Variants in ADAMTSL3 observed in about 807,000 individuals in gnomAD.
ADAMTSL3 encodes the protein ADAMTS-like protein 3.
ADAMTSL3 carries 128 observed loss-of-function variants against 201.7 expected under a neutral mutation model. The observed-to-expected ratio is 0.63, with a 90% CI of 0.55 to 0.73. ADAMTSL3 has a LOEUF of 0.73. Ranked by LOEUF, ADAMTSL3 falls within the 30% of genes least tolerant of loss-of-function variation. The probability of loss-of-function intolerance (pLI) is 0.00; values close to 1 mark genes in which losing one functional copy is unlikely to be tolerated. For missense variants in ADAMTSL3, 1,990 were observed against 2,119.6 expected, an observed-to-expected ratio of 0.94 and a Z score of 1.20; for synonymous variants, 738 against 748.4, an observed-to-expected ratio of 0.99 and a Z score of 0.23.
At chr15:83,792,669 G>A (rs544518045) in intron 4 of ADAMTSL3, among the ~76,000 whole-genome samples, 1 of 152,188 alleles carries the variant, frequency 6.6e-6, no homozygotes, top group East Asian at 1.9e-4. Context: ...TGTAATCCCA[G>A]CTACTCAGGA....
At chr15:83,676,527 A>T (rs775417271) in intron 2 of ADAMTSL3, among the ~76,000 whole-genome samples, 6 of 152,074 alleles carry the variant, frequency 3.9e-5, no homozygotes, top group Admixed American at 3.3e-4. Flanking sequence ...AAATACAAAA[A>T]ATTAGCCGGG....
At chr15:83,829,520 A>G (rs149849269) in intron 6 of ADAMTSL3, among the ~76,000 whole-genome samples, 2,179 of 151,994 alleles carry the variant, frequency 0.014, 53 homozygotes, top group African/African-American at 0.05. Context: ...TTATGTCTCT[A>G]TCTCCTTCAG....
At chr15:83,696,064 A>T (rs1490626716) in intron 2 of ADAMTSL3, among the ~76,000 whole-genome samples, 1 of 152,176 alleles carries the variant, frequency 6.6e-6, no homozygotes, top group Non-Finnish European at 1.5e-5. Flanking sequence ...GCCCCAGAGG[A>T]ATACAGAGAA....
chr15:83,887,781 G>A (rs2065425281), intron 10 of ADAMTSL3, among the ~76,000 whole-genome samples: 1 of 151,956 alleles, frequency 6.6e-6, no homozygotes, highest in Non-Finnish European at 1.5e-5. Context: ...TGTAGAGATG[G>A]CATCTCACTA....
intron 16 of ADAMTSL3, among the ~76,000 whole-genome samples, chr15:83,918,879 A>G (rs1287278186): frequency 6.6e-6 from 1 of 152,204 alleles, no homozygotes; most frequent in Non-Finnish European, 1.5e-5. Context: ...GCTATTGCCT[A>G]TTCCAGACAA....
At chr15:83,904,898 A>C (rs1256340413) in intron 15 of ADAMTSL3, among the ~76,000 whole-genome samples, 1 of 152,350 alleles carries the variant, frequency 6.6e-6, no homozygotes, top group African/African-American at 2.4e-5. Context: ...CTAATGTCAA[A>C]TTAGGTGACA....
At chr15:83,830,370 A>C (rs976276265) in intron 6 of ADAMTSL3, among the ~76,000 whole-genome samples, 9 of 152,224 alleles carry the variant, frequency 5.9e-5, no homozygotes, top group Admixed American at 5.9e-4. Flanking sequence ...GAACTAGCAC[A>C]GGGAGAGGTG....
At chr15:83,784,117 C>T (rs2063221585) in intron 4 of ADAMTSL3, among the ~76,000 whole-genome samples, 2 of 152,202 alleles carry the variant, frequency 1.3e-5, no homozygotes, top group Non-Finnish European at 1.5e-5. Context: ...TTGTGGCTTT[C>T]CTTCATTTGG....
chr15:83,749,401 A>G (rs2062602154), intron 3 of ADAMTSL3, among the ~76,000 whole-genome samples: 1 of 152,114 alleles, frequency 6.6e-6, no homozygotes, highest in East Asian at 1.9e-4. Context: ...AGCTTTATTG[A>G]TGGGGATTCT....
chr15:83,897,709 C>G (rs577312792), intron 13 of ADAMTSL3, 149 bp from the exon 14 acceptor site: 1 of 817,538 alleles, frequency 1.2e-6, no homozygotes, highest in African/African-American at 1.7e-5. Flanking sequence ...GAAAATTAGC[C>G]TCTGTACCCT....
chr15:83,737,875 G>A (rs538099097), intron 3 of ADAMTSL3, among the ~76,000 whole-genome samples: 2 of 152,286 alleles, frequency 1.3e-5, no homozygotes, highest in Non-Finnish European at 2.9e-5. Flanking sequence ...TATGACAATA[G>A]AATTGGTGTC....
intron 2 of ADAMTSL3, among the ~76,000 whole-genome samples, chr15:83,671,826 C>T (rs1450330552): frequency 6.6e-6 from 1 of 152,112 alleles, no homozygotes; most frequent in Non-Finnish European, 1.5e-5. Context: ...AAATGCTTGC[C>T]TAGCTGTTTT....
Position 83,910,969 on chromosome 15 carries a change from C to T in ADAMTSL3, c.1701-2123C>T, listed in dbSNP as rs751468840. ...TGAACTTTCTTACCTCATCTCCTCT[C>T]GAGATTCTCAATCACCAAGATACAG... On this transcript the variant is annotated intron_variant, in intron 15 of 29. Coordinates refer to ENST00000286744, the MANE Select transcript of ADAMTSL3 (RefSeq NM_207517.3). 3.3e-5 allele frequency among the ~76,000 whole-genome samples: 5 copies of T among 152,144 alleles called. 1 individual carries two copies. In the South Asian group the frequency reaches 8.3e-4, roughly 25 times the overall value.
At chr15:84,028,235 T>C (rs1348421174) in intron 27 of ADAMTSL3, among the ~76,000 whole-genome samples, 1 of 152,172 alleles carries the variant, frequency 6.6e-6, no homozygotes, top group Non-Finnish European at 1.5e-5. Flanking sequence ...AGTTTGTAAA[T>C]TGTATCTCAA....
intron 2 of ADAMTSL3, among the ~76,000 whole-genome samples, chr15:83,670,012 C>T (rs2061308158): frequency 6.6e-6 from 1 of 151,758 alleles, no homozygotes; most frequent in South Asian, 2.1e-4. Context: ...AATCCCAGCA[C>T]TTTGGGAGGC....
Position 83,913,368 on chromosome 15 carries a change from A to T in ADAMTSL3, c.1977A>T (p.Thr659=), listed in dbSNP as rs148832632. 6.2e-7 allele frequency: 1 copy of T among 1,613,312 alleles called. No individual in the cohort carries two copies. Among genetic ancestry groups the T allele is most frequent in the East Asian group, 2.2e-5 (1 of 44,874 alleles). Reference sequence around the variant, plus strand: ...CTGGGTTCACCCCTTGCACAGCAACATGCGTGGGAGGTATTTGAACCTTTG... The same window carrying T: ...CTGGGTTCACCCCTTGCACAGCAACTTGCGTGGGAGGTATTTGAACCTTTG... The part of the protein sequence containing the change: ...EYAGFTPCTA[T]CVGGHQEAIA... Residue 659 remains threonine, a synonymous_variant, in exon 16 of 30, where the codon ACA becomes ACT. Coordinates refer to ENST00000286744, the MANE Select transcript of ADAMTSL3 (RefSeq NM_207517.3).
At chr15:83,852,609 T>A (rs1291535457) in intron 7 of ADAMTSL3, among the ~76,000 whole-genome samples, 2 of 152,174 alleles carry the variant, frequency 1.3e-5, no homozygotes, top group Non-Finnish European at 2.9e-5. Context: ...ACATTTTGAT[T>A]TTTCTGTGAA....
intron 16 of ADAMTSL3, among the ~76,000 whole-genome samples, chr15:83,916,888 A>T (rs1808527673): frequency 6.6e-6 from 1 of 152,232 alleles, no homozygotes; most frequent in Non-Finnish European, 1.5e-5. Context: ...AAATAAATAG[A>T]ACATATTCTT....
At chr15:83,711,049 G>A (rs1039763281) in intron 3 of ADAMTSL3, among the ~76,000 whole-genome samples, 1 of 152,154 alleles carries the variant, frequency 6.6e-6, no homozygotes, top group Non-Finnish European at 1.5e-5. Flanking sequence ...AATGAAGTCT[G>A]TGTAGTCTTA....
Sources: gnomAD v4.1 joint callset for allele counts (sites outside exome capture counted in the v4.1 genomes callset) on GRCh38, gnomAD v4.1.1 for gene constraint, MANE v1.5 for transcripts, NCBI Gene and HGNC (gene_info 2026-07-23, HGNC 2026-07-21) for gene names.